TJP1: variants seen among roughly 807,000 people sequenced by gnomAD.
The protein encoded by TJP1 is tight junction protein ZO-1.
TJP1 carries 43 observed loss-of-function variants against 194.2 expected under a neutral mutation model. The observed-to-expected ratio is 0.22, with a 90% confidence interval of 0.17 to 0.29. The LOEUF (loss-of-function observed/expected upper bound fraction) is 0.29, where lower values mean the gene tolerates loss of function less well. Ranked by LOEUF, TJP1 falls within the 10% of genes least tolerant of loss-of-function variation. The pLI, the probability that TJP1 is intolerant of heterozygous loss-of-function variation, is 1.00. For missense variants in TJP1, 1,971 were observed against 2,185.7 expected (o/e 0.90, Z 1.96); for synonymous variants, 801 against 779.0 (o/e 1.03, Z -0.47).
In TJP1 at chr15:29,718,100, TA is replaced by T; in HGVS notation, c.3894del (p.Lys1299AsnfsTer36). The stretch of plus-strand genomic sequence containing the variant: ...CCAATGATGGGAGCACCTGAAGGTT[TA>T]GATGCTACTTCTGGAGGCTGTTTAA... ...TGSFKPPEVA[S>X]KPSGAPIIGP... On this transcript the variant is annotated frameshift_variant, in exon 22 of 28. Transcript: ENST00000614355. LOFTEE classifies it high-confidence loss of function. The T allele has an allele frequency of 6.2e-7, 1 of 1,607,752 alleles. No individual in the cohort carries two copies. The highest frequency in any genetic ancestry group is 1.1e-5 in the South Asian group (1 of 89,312).
chr15:29,810,875 G>A (rs2049447515), intron 1 of TJP1, among the ~76,000 whole-genome samples: 1 of 152,176 alleles, frequency 6.6e-6, no homozygotes, highest in African/African-American at 2.4e-5. Context: ...TGTTTTGAGA[G>A]TTTCCTATGT....
chr15:29,842,978 T>A (rs546737875), intron 2 of TJP1, among the ~76,000 whole-genome samples: 1 of 152,300 alleles, frequency 6.6e-6, no homozygotes, highest in Non-Finnish European at 1.5e-5. Context: ...AATGGGATAA[T>A]CACTGATTTT....
At chr15:29,726,685 A>G in intron 17 of TJP1, 96 bp downstream of exon 17, 1 of 1,283,096 alleles carries the variant, frequency 7.8e-7, no homozygotes, top group South Asian at 1.4e-5. Flanking sequence ...AGAAAGTATC[A>G]TGTAAGTTTT....
rs1024358859 is a variant in TJP1, at chr15:29,957,074, C to T, written c.174-710G>A. Among the ~76,000 whole-genome samples, 5 of 152,212 alleles carry T rather than the reference C, an allele frequency of 3.3e-5. No homozygotes were observed. In the South Asian group the frequency reaches 6.2e-4, roughly 19 times the overall value. The stretch of plus-strand genomic sequence containing the variant: ...AAGTGAGCTATCATTGTGTCCATCA[C>T]AGATACTGTTCAGCATGGTTTTGTT... On this transcript the variant is annotated intron_variant, in intron 1 of 28. Coordinates refer to the TJP1 transcript ENST00000356107.
In TJP1 at chr15:29,700,337, T is replaced by G; in HGVS notation, c.*1258A>C. 1 of 398,930 alleles carries G rather than the reference T, an allele frequency of 2.5e-6. No homozygotes were observed. Among genetic ancestry groups the G allele is most frequent in the Non-Finnish European group, 4.4e-6 (1 of 226,034 alleles). 24.7% of individuals were successfully genotyped at this position (398,930 alleles called of 1,614,324 possible). ...ATACACTTTAGGGCACAGCATTGTA[T>G]CACAAATTACAGTAGGGATACTTTG... is the stretch of plus-strand genomic sequence containing the variant. On this transcript the variant is annotated 3_prime_UTR_variant, in exon 28 of 28. Coordinates refer to ENST00000614355, the MANE Select transcript of TJP1 (RefSeq NM_001330239.4).
rs1248709883 is a variant in TJP1, at chr15:29,723,209, T to C, written c.2413-2501A>G. 1.3e-5 allele frequency among the ~76,000 whole-genome samples: 2 copies of C among 152,104 alleles called. 1 individual carries two copies. Among genetic ancestry groups the C allele is most frequent in the Non-Finnish European group, 2.9e-5 (2 of 68,002 alleles). ...GGGAGGGACCAGGAACAGAATGATA[T>C]GGTTTGGATTTGTGTCCCCACCCAC... is the stretch of plus-strand genomic sequence containing the variant. On this transcript the variant is annotated intron_variant, in intron 18 of 27. Transcript: ENST00000614355.
intron 2 of TJP1, among the ~76,000 whole-genome samples, chr15:29,944,071 AATTTATTT>A (rs145798029): frequency 0.098 from 14,857 of 151,394 alleles, 875 homozygotes; most frequent in South Asian, 0.16. Context: ...CTTGACTTTA[AATTTATTT>A]ATTTATTTAT....
intron 2 of TJP1, among the ~76,000 whole-genome samples, chr15:29,915,574 A>T (rs2054158173): frequency 6.6e-6 from 1 of 152,364 alleles, no homozygotes; most frequent in East Asian, 1.9e-4. Flanking sequence ...AAAGGATTTT[A>T]TACTAAGATT....
At position 29,707,765 on chromosome 15, in the gene TJP1, G is replaced by A. The variant is rs547816201; in HGVS notation, c.4850+794C>T. Among the ~76,000 whole-genome samples the A allele has an allele frequency of 5.6e-4, 85 of 152,298 alleles. 1 individual carries two copies. Among genetic ancestry groups the A allele is most frequent in the African/African-American group, 2.0e-3 (82 of 41,568 alleles). ...AACTGCTGCTCTTTAAACAGTCAGAGGTTATTCTATTTTTCTTCTTAGCAT... is the reference window on the plus strand; with the variant it reads ...AACTGCTGCTCTTTAAACAGTCAGAAGTTATTCTATTTTTCTTCTTAGCAT... On this transcript the variant is annotated intron_variant, in intron 25 of 27. Transcript: ENST00000614355.
At chr15:29,729,686 G>A (rs1338385184) in intron 15 of TJP1, among the ~76,000 whole-genome samples, 1 of 152,022 alleles carries the variant, frequency 6.6e-6, no homozygotes, top group African/African-American at 2.4e-5. Flanking sequence ...CGGGCGTGGT[G>A]GCGGGTGCCT....
intron 2 of TJP1, among the ~76,000 whole-genome samples, chr15:29,840,547 T>C (rs1215293035): frequency 6.6e-6 from 1 of 152,174 alleles, no homozygotes; most frequent in African/African-American, 2.4e-5. Context: ...CAGCACCCTG[T>C]TCCTCCAGGA....
intron 2 of TJP1, among the ~76,000 whole-genome samples, chr15:29,864,650 A>C (rs553368302): frequency 1.3e-5 from 2 of 152,290 alleles, no homozygotes; most frequent in African/African-American, 4.8e-5. Flanking sequence ...GGAACCTGGA[A>C]GTTGACCTCT....
intron 5 of TJP1, 138 bp from the exon 6 acceptor site, chr15:29,762,576 T>A (rs2046075961): frequency 3.3e-6 from 2 of 611,238 alleles, no homozygotes; most frequent in African/African-American, 3.7e-5. Context: ...TTCTTGGCCA[T>A]CCTGCAAATA....
chr15:29,888,216 G>T (rs1828850224), intron 2 of TJP1, among the ~76,000 whole-genome samples: 1 of 151,766 alleles, frequency 6.6e-6, no homozygotes, highest in South Asian at 2.1e-4. Context: ...ATATATGAAA[G>T]TATTAAAATA....
chr15:29,935,260 T>C lies in TJP1; in HGVS notation c.306+20972A>G, dbSNP rs138147524. Among the ~76,000 whole-genome samples, 558 of 152,344 alleles carry C rather than the reference T, an allele frequency of 3.7e-3. 3 individuals are homozygous for C. Among genetic ancestry groups the C allele is most frequent in the Admixed American group, 6.4e-3 (98 of 15,308 alleles). On this transcript the variant is annotated intron_variant, in intron 2 of 28. Coordinates refer to the TJP1 transcript ENST00000356107. Reference sequence around the variant, plus strand: ...TTTCAAGCGTTCCTTATTCTCAAAATGTTCCTTGAATTTCAACCAAATTTA... The same window carrying C: ...TTTCAAGCGTTCCTTATTCTCAAAACGTTCCTTGAATTTCAACCAAATTTA...
At position 29,734,273 on chromosome 15, in the gene TJP1, C is replaced by G; in HGVS notation, c.1516+1G>C. 1 of 1,596,034 alleles carries G rather than the reference C, an allele frequency of 6.3e-7. No homozygotes were observed. The highest frequency in any genetic ancestry group is 8.5e-7 in the Non-Finnish European group (1 of 1,170,952). ...TCCTCCATTTTCTGACAGCATCTCA[C>G]CATCCTTCTTCTTCTGAGCCAATAT... On this transcript the variant is annotated splice_donor_variant, in intron 12 of 27. Transcript: ENST00000614355. LOFTEE classifies it high-confidence loss of function.
intron 8 of TJP1, among the ~76,000 whole-genome samples, chr15:29,749,282 G>C (rs567339464): frequency 1.4e-4 from 22 of 152,226 alleles, no homozygotes; most frequent in African/African-American, 4.8e-4. Context: ...CTCTGAGAGA[G>C]ATTTTATAGG....
At position 29,815,808 on chromosome 15, in the gene TJP1, TTTACATTTGGTCTCTAAA is replaced by T. The variant is rs543041699; in HGVS notation, c.27+6176_27+6193del. 1.9e-4 allele frequency among the ~76,000 whole-genome samples: 29 copies of T among 152,236 alleles called. No individual in the cohort carries two copies. In the East Asian group the frequency reaches 2.7e-3, roughly 14 times the overall value. ...GTTTTATTCTTAGAACTGTACAGAG[TTTACATTTGGTCTCTAAA>T]CAGAAAAGAGATTAAAGAGCAAGTA... is the stretch of plus-strand genomic sequence containing the variant. On this transcript the variant is annotated intron_variant, in intron 1 of 27. Transcript: ENST00000614355.
chr15:29,763,289 A>G (rs1182779514), intron 5 of TJP1, among the ~76,000 whole-genome samples: 5 of 152,256 alleles, frequency 3.3e-5, no homozygotes, highest in Admixed American at 6.5e-5. Context: ...GCAGAAAAAC[A>G]TATTTTAAGA....
Sources: gnomAD v4.1 joint callset for allele counts (sites outside exome capture counted in the v4.1 genomes callset) on GRCh38, gnomAD v4.1.1 for gene constraint, MANE v1.5 for transcripts, NCBI Gene and HGNC (gene_info 2026-07-23, HGNC 2026-07-21) for gene names.